Variants in BBOX1 observed in about 807,000 individuals in gnomAD.
BBOX1 encodes gamma-butyrobetaine dioxygenase.
Under a neutral mutation model 41.6 loss-of-function variants are expected in BBOX1, and 35 were observed. That is an observed-to-expected ratio of 0.84 (90% CI 0.64 to 1.11). BBOX1 has a LOEUF of 1.11. Among genes scored for constraint, BBOX1 ranks in the 50% most tolerant of loss-of-function variants. The pLI, the probability that BBOX1 is intolerant of heterozygous loss-of-function variation, is 0.00. For synonymous variants in BBOX1, 163 were observed against 154.7 expected (o/e 1.05, Z -0.40); for missense variants, 458 against 460.6 (o/e 0.99, Z 0.05).
chr11:27,127,304 A>T lies in BBOX1; in HGVS notation c.1015A>T (p.Thr339Ser). 2 of 1,613,608 alleles carry T rather than the reference A, an allele frequency of 1.2e-6. No individual in the cohort carries two copies. Among genetic ancestry groups the T allele is most frequent in the Non-Finnish European group, 1.7e-6 (2 of 1,179,886 alleles). Residue 339 changes from threonine (T) to serine (S), a missense_variant, in exon 9 of 9, where the codon ACT (threonine) becomes TCT (serine). Coordinates refer to ENST00000263182, the MANE Select transcript of BBOX1 (RefSeq NM_003986.3). ...AATCTTTTCTTTAGGTGATGTGATT[A>T]CTTTTGATAACTGGCGCTTACTTCA... The part of the protein sequence containing the change: ...TFKMNPGDVI[T>S]FDNWRLLHGR...
At chr11:27,070,158 T>G (rs1857399671) in intron 4 of BBOX1, among the ~76,000 whole-genome samples, 1 of 152,158 alleles carries the variant, frequency 6.6e-6, no homozygotes, top group Non-Finnish European at 1.5e-5. Context: ...TTTCTTAAAT[T>G]TATTGAGAAA....
intron 2 of BBOX1, 31 bp from the exon 3 acceptor site, chr11:27,055,362 T>C (rs1453495311): frequency 6.7e-7 from 1 of 1,501,912 alleles, no homozygotes; most frequent in East Asian, 2.3e-5. Context: ...CTTATCTGCC[T>C]GAGATTCCTT....
rs938216552 is a variant in BBOX1, at chr11:27,055,649, G to C, written c.219G>C (p.Lys73Asn). Residue 73 changes from lysine (K) to asparagine (N), a missense_variant and splice_region_variant, in exon 3 of 9, where the codon AAG becomes AAC. Transcript: ENST00000263182. ...GIKGLIFDRKKVYITWPDEHY... is the reference protein window; with the variant it reads ...GIKGLIFDRKNVYITWPDEHY... ...AAGGCTTGATATTTGACAGAAAAAA[G>C]GTAATTATCTCTAAATTATGTCTCC... The C allele has an allele frequency of 6.2e-7, 1 of 1,606,348 alleles. No homozygotes were observed. The highest frequency in any genetic ancestry group is 8.5e-7 in the Non-Finnish European group (1 of 1,173,652).
intron 4 of BBOX1, among the ~76,000 whole-genome samples, chr11:27,059,578 T>C (rs1189462887): frequency 6.6e-6 from 1 of 152,112 alleles, no homozygotes; most frequent in Non-Finnish European, 1.5e-5. Context: ...ACCGCCAGCA[T>C]GCATACTCAG....
chr11:27,084,169 C>T (rs1857950160), intron 4 of BBOX1, among the ~76,000 whole-genome samples: 1 of 152,114 alleles, frequency 6.6e-6, no homozygotes, highest in African/African-American at 2.4e-5. Context: ...TGTCTTTTCC[C>T]CAAGTAGGAA....
chr11:27,117,946 C>T (rs1347970144), intron 6 of BBOX1, among the ~76,000 whole-genome samples: 1 of 151,844 alleles, frequency 6.6e-6, no homozygotes, highest in African/African-American at 2.4e-5. Context: ...GACTTGAACC[C>T]AGGCCTCCAT....
chr11:27,093,625 C>T (rs1045972738), intron 5 of BBOX1, among the ~76,000 whole-genome samples: 15 of 152,024 alleles, frequency 9.9e-5, no homozygotes, highest in African/African-American at 1.4e-4. Context: ...GCTGCCATAA[C>T]GAAATATCAC....
chr11:27,097,273 A>G (rs1157772011), intron 5 of BBOX1, among the ~76,000 whole-genome samples: 1 of 152,078 alleles, frequency 6.6e-6, no homozygotes, highest in Non-Finnish European at 1.5e-5. Context: ...CCTTTTAGGA[A>G]AGGTGATATT....
intron 2 of BBOX1, among the ~76,000 whole-genome samples, chr11:27,044,937 TTAAAG>T (rs1851447319): frequency 1.3e-5 from 2 of 152,192 alleles, no homozygotes; most frequent in Non-Finnish European, 2.9e-5. Flanking sequence ...CACATGAACT[TTAAAG>T]TAGTTTTTTC....
intron 8 of BBOX1, among the ~76,000 whole-genome samples, chr11:27,127,002 C>T (rs937606848): frequency 3.3e-5 from 5 of 152,116 alleles, no homozygotes; most frequent in African/African-American, 1.2e-4. Context: ...AGGTATCGAT[C>T]AGTCAAAACG....
At chr11:27,062,803 C>T (rs989924627) in intron 4 of BBOX1, among the ~76,000 whole-genome samples, 2 of 152,102 alleles carry the variant, frequency 1.3e-5, no homozygotes, top group Non-Finnish European at 2.9e-5. Context: ...CCTCATGATC[C>T]GCCCACCTTG....
intron 4 of BBOX1, among the ~76,000 whole-genome samples, chr11:27,081,439 T>C (rs1026386815): frequency 6.6e-5 from 10 of 152,180 alleles, no homozygotes; most frequent in African/African-American, 2.4e-4. Flanking sequence ...CCACATTTTC[T>C]TTATCCAGTC....
At chr11:27,107,276 G>A (rs1052670272) in intron 5 of BBOX1, among the ~76,000 whole-genome samples, 17 of 151,854 alleles carry the variant, frequency 1.1e-4, no homozygotes, top group African/African-American at 3.4e-4. Context: ...CAAAAAACCC[G>A]TTCAAAAAAT....
intron 4 of BBOX1, among the ~76,000 whole-genome samples, chr11:27,065,099 A>G (rs1857242596): frequency 6.6e-6 from 1 of 152,178 alleles, no homozygotes; most frequent in African/African-American, 2.4e-5. Flanking sequence ...ATTTAAAACT[A>G]TAAATTAAAT....
intron 5 of BBOX1, among the ~76,000 whole-genome samples, chr11:27,109,612 A>G (rs1051694830): frequency 4.6e-5 from 7 of 152,092 alleles, no homozygotes; most frequent in African/African-American, 1.7e-4. Flanking sequence ...TAAAATTAAC[A>G]TGATTAGAAT....
At chr11:27,105,252 G>T (rs1198278231) in intron 5 of BBOX1, among the ~76,000 whole-genome samples, 1 of 152,158 alleles carries the variant, frequency 6.6e-6, no homozygotes, top group Non-Finnish European at 1.5e-5. Context: ...AATGACTGAT[G>T]AATTGAGAGA....
chr11:27,052,847 T>C (rs771113174), intron 2 of BBOX1, among the ~76,000 whole-genome samples: 1 of 152,146 alleles, frequency 6.6e-6, no homozygotes, highest in African/African-American at 2.4e-5. Context: ...TCTTGCCTAA[T>C]GGTTGCAAAA....
At chr11:27,100,320 T>G (rs181282553) in intron 5 of BBOX1, among the ~76,000 whole-genome samples, 1 of 152,198 alleles carries the variant, frequency 6.6e-6, no homozygotes, top group African/African-American at 2.4e-5. Flanking sequence ...TGTTTCTAAT[T>G]AGGAAATTGC....
chr11:27,044,198 C>T (rs374725989), intron 2 of BBOX1, among the ~76,000 whole-genome samples: 126 of 152,250 alleles, frequency 8.3e-4, no homozygotes, highest in Admixed American at 1.3e-3. Flanking sequence ...TGACTAGTGA[C>T]GATGAGCTTT....
Sources: allele counts gnomAD v4.1 joint callset (sites outside exome capture counted in the v4.1 genomes callset), GRCh38; gene constraint gnomAD v4.1.1; transcripts MANE v1.5; gene names NCBI Gene and HGNC (gene_info 2026-07-23, HGNC 2026-07-21).